The following CACNA1S variants were observed in gnomAD, a reference collection of about 807,000 sequenced individuals.
CACNA1S encodes calcium voltage-gated channel subunit alpha1 S, also known as voltage-dependent L-type calcium channel subunit alpha-1S.
CACNA1S carries 126 observed loss-of-function variants against 207.4 expected under a neutral mutation model. The ratio of observed to expected loss-of-function variants is 0.61; its 90% confidence interval spans 0.53 to 0.70. The LOEUF (loss-of-function observed/expected upper bound fraction) is 0.70. Ranked by LOEUF, CACNA1S falls within the 30% of genes least tolerant of loss-of-function variation. The probability of loss-of-function intolerance (pLI) is 0.00; values close to 1 mark genes in which losing one functional copy is unlikely to be tolerated. For synonymous variants in CACNA1S, 960 were observed against 932.7 expected (o/e 1.03, Z -0.53); for missense variants, 2,349 against 2,422.8 (o/e 0.97, Z 0.64).
At chr1:201,041,231 TGA>T (rs796777220) in intron 41 of CACNA1S, among the ~76,000 whole-genome samples, 2 of 152,200 alleles carry the variant, frequency 1.3e-5, no homozygotes, top group African/African-American at 4.8e-5. Context: ...GGGGGCTGTG[TGA>T]GTTTCCTGGG....
In CACNA1S at chr1:201,050,434, A is replaced by C. The variant is rs1449184785; in HGVS notation, c.4196T>G (p.Leu1399Arg). 1 of 1,613,802 alleles carries C rather than the reference A, an allele frequency of 6.2e-7. No homozygotes were observed. The highest frequency in any genetic ancestry group is 8.5e-7 in the Non-Finnish European group (1 of 1,179,806). ...TGCCCAGATGGCCTTGAACTCATCC[A>C]GGTGATGAGGGCCCAGGATGGACCA... ...RDWSILGPHH[L>R]DEFKAIWAEY... is the part of the protein sequence containing the mutation. Residue 1399 changes from leucine to arginine, a missense_variant, in exon 34 of 44, where the codon CTG becomes CGG. Transcript: ENST00000362061.
At chr1:201,062,897 C>T (rs574983374) in intron 22 of CACNA1S, among the ~76,000 whole-genome samples, 3 of 152,346 alleles carry the variant, frequency 2.0e-5, no homozygotes, top group African/African-American at 4.8e-5. Context: ...CCTTACCTCC[C>T]GCACTGCTGC....
At chr1:201,088,250 A>T (rs1342692122) in intron 6 of CACNA1S, among the ~76,000 whole-genome samples, 2 of 152,110 alleles carry the variant, frequency 1.3e-5, no homozygotes, top group Non-Finnish European at 2.9e-5. Context: ...CTCTATCTCC[A>T]GTTGATTTAT....
Position 201,066,810 on chromosome 1 carries a change from G to A in CACNA1S, c.2657+77C>T. The A allele has an allele frequency of 9.2e-7, 1 of 1,085,176 alleles. No homozygotes were observed. The highest frequency in any genetic ancestry group is 1.4e-6 in the Non-Finnish European group (1 of 719,732). 67.2% of individuals were successfully genotyped at this position (1,085,176 alleles called of 1,614,324 possible). A position where few individuals can be genotyped will look rare whatever the true frequency, so the allele number is the denominator to read the frequency against. On this transcript the variant is annotated intron_variant, in intron 20 of 43. Coordinates refer to ENST00000362061, the MANE Select transcript of CACNA1S (RefSeq NM_000069.3). The surrounding 1 kb of genome is among the most constrained non-coding windows in gnomAD (Gnocchi z 4.3). ...TTGTGGCAGGGGCCCACCAACATGGGTGGGACTCCCACTACAAAGCCCTGG... is the reference window on the plus strand; with the variant it reads ...TTGTGGCAGGGGCCCACCAACATGGATGGGACTCCCACTACAAAGCCCTGG...
At chr1:201,048,521 A>C in intron 36 of CACNA1S, 61 bp downstream of exon 36, 1 of 1,339,974 alleles carries the variant, frequency 7.5e-7, no homozygotes, top group Non-Finnish European at 1.1e-6. Flanking sequence ...ATCTGGCAGA[A>C]TCTGTGCCAG....
intron 41 of CACNA1S, among the ~76,000 whole-genome samples, chr1:201,041,162 G>A (rs1002748471): frequency 6.6e-6 from 1 of 152,186 alleles, no homozygotes; most frequent in Non-Finnish European, 1.5e-5. Flanking sequence ...AGTGTGTCCA[G>A]GGGCTGCCCT....
At chr1:201,044,249 G>A in intron 39 of CACNA1S, 79 bp downstream of exon 39, 1 of 1,586,192 alleles carries the variant, frequency 6.3e-7, no homozygotes, top group Non-Finnish European at 8.6e-7. Context: ...CGTGTGGCTG[G>A]GCTCCCAGCC....
chr1:201,086,761 A>G (rs900663420), intron 7 of CACNA1S, among the ~76,000 whole-genome samples: 9 of 152,256 alleles, frequency 5.9e-5, no homozygotes, highest in Admixed American at 2.0e-4. Context: ...CTCATTAGCA[A>G]GATCTAGCTG....
At chr1:201,084,898 G>A (rs1374836418) in intron 9 of CACNA1S, 52 bp downstream of exon 9, 2 of 1,224,784 alleles carry the variant, frequency 1.6e-6, no homozygotes, top group Non-Finnish European at 2.4e-6. Context: ...CTACCCTCAT[G>A]TCTCAGGGAG....
At chr1:201,092,717 T>C (rs532562879) in intron 3 of CACNA1S, among the ~76,000 whole-genome samples, 1 of 152,378 alleles carries the variant, frequency 6.6e-6, no homozygotes, top group South Asian at 2.1e-4. Flanking sequence ...TTCTGCACTC[T>C]ATTATTCTGT....
rs575247457 is a variant in CACNA1S at position 201,065,869 on chromosome 1, A to G, written c.2822T>C (p.Met941Thr). ...IVLVTTLLQF[M>T]FACIGVQLFK... ...GAGCTGGACGCCGATGCAGGCAAACATGAACTGTAGGAGGGTAGTGACCAG... is the reference window on the plus strand; with the variant it reads ...GAGCTGGACGCCGATGCAGGCAAACGTGAACTGTAGGAGGGTAGTGACCAG... The change falls in exon 22 of 44, where the codon ATG (methionine) becomes ACG (threonine). Residue 941 changes from methionine (M) to threonine (T), a missense_variant. Transcript: ENST00000362061. 140 of 1,614,014 alleles carry G rather than the reference A, an allele frequency of 8.7e-5. No individual in the cohort carries two copies. The highest frequency in any genetic ancestry group is 1.1e-4 in the Non-Finnish European group (135 of 1,179,972).
Position 201,085,596 on chromosome 1 carries a change from G to C in CACNA1S, c.1005-15C>G, listed in dbSNP as rs1312720325. On this transcript the variant is annotated splice_polypyrimidine_tract_variant and intron_variant, in intron 7 of 43. Coordinates refer to ENST00000362061, the MANE Select transcript of CACNA1S (RefSeq NM_000069.3). ...TGGTGAATTCCCTGAAATGAGATGG[G>C]GGAGCCAGGAGAGGAGGAGAAGAGG... The C allele has an allele frequency of 6.2e-7, 1 of 1,613,482 alleles. No individual in the cohort carries two copies. Among genetic ancestry groups the C allele is most frequent in the Non-Finnish European group, 8.5e-7 (1 of 1,179,792 alleles).
At chr1:201,084,671 G>A (rs532915187) in intron 9 of CACNA1S, among the ~76,000 whole-genome samples, 2 of 152,288 alleles carry the variant, frequency 1.3e-5, no homozygotes, top group Admixed American at 1.3e-4. Flanking sequence ...TGAAGTAGCA[G>A]CAAGCATGCT....
chr1:201,086,564 T>C (rs1198465295), intron 7 of CACNA1S, among the ~76,000 whole-genome samples: 1 of 152,230 alleles, frequency 6.6e-6, no homozygotes, highest in African/African-American at 2.4e-5. Flanking sequence ...TAGGCGATTG[T>C]ATCTGTGGAT....
intron 41 of CACNA1S, among the ~76,000 whole-genome samples, chr1:201,041,150 T>C (rs948538177): frequency 1.3e-5 from 2 of 152,056 alleles, no homozygotes; most frequent in Non-Finnish European, 2.9e-5. Context: ...AGTCAAGACG[T>C]CAGTGTGTCC....
intron 28 of CACNA1S, among the ~76,000 whole-genome samples, chr1:201,057,635 C>T (rs1316955418): frequency 1.3e-5 from 2 of 152,108 alleles, no homozygotes; most frequent in African/African-American, 4.8e-5. Context: ...TCCTCACTTC[C>T]TGTTGCTCAT....
At position 201,066,011 on chromosome 1, in the gene CACNA1S, G is replaced by A; in HGVS notation, c.2746-66C>T. On this transcript the variant is annotated intron_variant, in intron 21 of 43. Transcript: ENST00000362061. The surrounding 1 kb of genome is among the most constrained non-coding windows in gnomAD (Gnocchi z 4.3). ...CAGTAACCCTGCTAGCCCAGTTGAG[G>A]AAACCCCAGGAGTGCAAGACTTGCT... 8.3e-7 allele frequency: 1 copy of A among 1,212,102 alleles called. No homozygotes were observed. Among genetic ancestry groups the A allele is most frequent in the Non-Finnish European group, 1.2e-6 (1 of 831,178 alleles). 75.1% of individuals were successfully genotyped at this position (1,212,102 alleles called of 1,614,324 possible).
rs1462618693 is a variant in CACNA1S, at chr1:201,096,715, A to T, written c.259-2694T>A. Among the ~76,000 whole-genome samples the T allele has an allele frequency of 2.0e-5, 3 of 152,212 alleles. 1 individual carries two copies. The highest frequency in any genetic ancestry group is 2.0e-4 in the Admixed American group (3 of 15,282). ...ATAATGAGAGCTACCTTGAAGAGTC[A>T]TGGTGAGGATTAAATGGCACCTTGT... On this transcript the variant is annotated intron_variant, in intron 2 of 43. Coordinates refer to ENST00000362061, the MANE Select transcript of CACNA1S (RefSeq NM_000069.3).
At chr1:201,074,681 G>T in intron 13 of CACNA1S, 61 bp from the exon 14 acceptor site, 1 of 1,074,982 alleles carries the variant, frequency 9.3e-7, no homozygotes, top group Non-Finnish European at 1.4e-6. Flanking sequence ...CAGGGCAGGA[G>T]TTCTGTCTGC....
Sources: allele counts gnomAD v4.1 joint callset (sites outside exome capture counted in the v4.1 genomes callset), GRCh38; gene constraint gnomAD v4.1.1; non-coding constraint Gnocchi (gnomAD v3.1); transcripts MANE v1.5; gene names NCBI Gene and HGNC (gene_info 2026-07-23, HGNC 2026-07-21).